FUT9: variants seen among roughly 807,000 people sequenced by gnomAD.
FUT9 encodes the protein fucosyltransferase 9, also known as 4-galactosyl-N-acetylglucosaminide 3-alpha-L-fucosyltransferase 9.
In FUT9, 15 loss-of-function variants were observed where a neutral mutation model predicts 29.7. The observed-to-expected ratio is 0.51, with a 90% CI of 0.34 to 0.78. FUT9 has a LOEUF of 0.78. FUT9 is among the 30% of genes least tolerant of loss of function. FUT9 has a pLI of 0.01. For missense variants in FUT9, 319 were observed against 425.4 expected, an observed-to-expected ratio of 0.75 and a Z score of 2.20; for synonymous variants, 169 against 153.7, an observed-to-expected ratio of 1.10 and a Z score of -0.74.
intron 1 of FUT9, among the ~76,000 whole-genome samples, chr6:96,093,993 G>A (rs915104633): frequency 3.3e-5 from 5 of 152,112 alleles, no homozygotes; most frequent in African/African-American, 1.2e-4. Context: ...AATTAATGAG[G>A]CTGGAATGTA....
intron 1 of FUT9, among the ~76,000 whole-genome samples, chr6:96,106,868 C>A (rs984834308): frequency 2.6e-5 from 4 of 152,114 alleles, no homozygotes; most frequent in Admixed American, 2.0e-4. Flanking sequence ...AGTATCAAAC[C>A]ATTTTTCAGA....
intron 1 of FUT9, among the ~76,000 whole-genome samples, chr6:96,087,768 A>G (rs1285681712): frequency 8.5e-5 from 13 of 152,214 alleles, no homozygotes; most frequent in Non-Finnish European, 1.9e-4. Context: ...TCTAAACAGT[A>G]AATGTTCTGA....
chr6:96,145,050 T>C (rs151053393), intron 2 of FUT9, among the ~76,000 whole-genome samples: 64 of 152,186 alleles, frequency 4.2e-4, no homozygotes, highest in Non-Finnish European at 8.2e-4. Context: ...TTATTCTTTA[T>C]TATTTATTTA....
chr6:96,109,100 C>T (rs1323575301), intron 1 of FUT9, among the ~76,000 whole-genome samples: 1 of 152,278 alleles, frequency 6.6e-6, no homozygotes, highest in South Asian at 2.1e-4. Flanking sequence ...CTTTTGGCAG[C>T]AATGCTCACT....
At chr6:96,164,686 G>T (rs556427199) in intron 2 of FUT9, among the ~76,000 whole-genome samples, 1 of 152,224 alleles carries the variant, frequency 6.6e-6, no homozygotes, top group African/African-American at 2.4e-5. Context: ...AAGAAAGGAA[G>T]GCAAAATGAG....
intron 1 of FUT9, among the ~76,000 whole-genome samples, chr6:96,078,369 A>G (rs1369011606): frequency 7.6e-6 from 1 of 132,426 alleles, no homozygotes; most frequent in Non-Finnish European, 1.6e-5. Flanking sequence ...ACCTTCTTAC[A>G]GTGTGCTTGC....
chr6:96,211,136 AG>A lies in FUT9; in HGVS notation c.*6902del, dbSNP rs1333756646. On this transcript the variant is annotated 3_prime_UTR_variant, in exon 3 of 3. Transcript: ENST00000302103. ...CAGCAAAACGGAAACAAATAAATAC[AG>A]CATGGAAGCATATATTCATGTTTCC... The A allele has an allele frequency of 1.1e-4, 18 of 166,886 alleles. No homozygotes were observed. Among genetic ancestry groups the A allele is most frequent in the African/African-American group, 4.1e-4 (17 of 41,444 alleles). The allele number at this position is 166,886 out of a possible 1,614,324, so 10.3% of individuals were successfully genotyped here.
intron 2 of FUT9, among the ~76,000 whole-genome samples, chr6:96,139,525 G>C (rs1012745845): frequency 1.3e-5 from 2 of 152,092 alleles, no homozygotes; most frequent in African/African-American, 4.8e-5. Flanking sequence ...CTCTGTGTGG[G>C]GGTTCTCACC....
At chr6:96,177,244 T>A (rs1773221085) in intron 2 of FUT9, among the ~76,000 whole-genome samples, 1 of 152,144 alleles carries the variant, frequency 6.6e-6, no homozygotes, top group Non-Finnish European at 1.5e-5. Flanking sequence ...AAAATTACAG[T>A]CTTCTTTCTC....
intron 2 of FUT9, among the ~76,000 whole-genome samples, chr6:96,158,579 T>C (rs1772835037): frequency 6.6e-6 from 1 of 152,092 alleles, no homozygotes; most frequent in Admixed American, 6.5e-5. Context: ...TCTTAATCAC[T>C]TCTTTGGTGA....
intron 1 of FUT9, among the ~76,000 whole-genome samples, chr6:96,112,796 T>C (rs1198605365): frequency 1.3e-5 from 2 of 152,232 alleles, no homozygotes; most frequent in Non-Finnish European, 2.9e-5. Flanking sequence ...GATAAGCTTA[T>C]GTAACATACT....
intron 2 of FUT9, among the ~76,000 whole-genome samples, chr6:96,171,092 G>A (rs185315891): frequency 8.2e-4 from 125 of 152,312 alleles, no homozygotes; most frequent in African/African-American, 2.8e-3. Flanking sequence ...AACAGGGCAA[G>A]TGAAAATGAA....
intron 1 of FUT9, among the ~76,000 whole-genome samples, chr6:96,109,921 AG>A (rs1208705601): frequency 2.0e-5 from 3 of 152,026 alleles, no homozygotes; most frequent in African/African-American, 7.2e-5. Context: ...TATGGGTGTG[AG>A]GGGAACTATA....
intron 1 of FUT9, among the ~76,000 whole-genome samples, chr6:96,047,419 C>A (rs1770583190): frequency 6.6e-6 from 1 of 152,124 alleles, no homozygotes; most frequent in Non-Finnish European, 1.5e-5. Context: ...GTTACAATTT[C>A]TGTTTTCTGA....
chr6:96,179,145 G>A (rs1482308995), intron 2 of FUT9, among the ~76,000 whole-genome samples: 1 of 152,058 alleles, frequency 6.6e-6, no homozygotes, highest in Non-Finnish European at 1.5e-5. Context: ...TATGACCATA[G>A]AAGATTCGTC....
chr6:96,043,870 A>G (rs78310374), intron 1 of FUT9, among the ~76,000 whole-genome samples: 29 of 152,302 alleles, frequency 1.9e-4, no homozygotes, highest in African/African-American at 7.0e-4. Context: ...ACACATTGCT[A>G]TCTGATCAGA....
intron 1 of FUT9, among the ~76,000 whole-genome samples, chr6:96,093,738 C>T (rs989321568): frequency 1.3e-5 from 2 of 152,060 alleles, no homozygotes; most frequent in East Asian, 1.9e-4. Flanking sequence ...CATACACACA[C>T]AAAATGAACT....
intron 2 of FUT9, among the ~76,000 whole-genome samples, chr6:96,153,749 C>T (rs1010134824): frequency 1.3e-5 from 2 of 152,188 alleles, no homozygotes; most frequent in Admixed American, 6.5e-5. Context: ...CTCACCTCTC[C>T]AGTTTCCTTA....
intron 2 of FUT9, among the ~76,000 whole-genome samples, chr6:96,115,908 A>G (rs1416895875): frequency 2.0e-5 from 3 of 152,172 alleles, no homozygotes; most frequent in African/African-American, 7.2e-5. Flanking sequence ...CTTTGTTGTA[A>G]CTAAAGGAAT....
Sources: gnomAD v4.1 joint callset for allele counts (sites outside exome capture counted in the v4.1 genomes callset) on GRCh38, gnomAD v4.1.1 for gene constraint, MANE v1.5 for transcripts, NCBI Gene and HGNC (gene_info 2026-07-23, HGNC 2026-07-21) for gene names.